The following UBA52 variants were observed in gnomAD, a reference collection of about 807,000 sequenced individuals.
UBA52 encodes the protein ubiquitin-ribosomal protein eL40 fusion protein.
Under a neutral mutation model 15.3 loss-of-function variants are expected in UBA52, and 1 was observed. The observed-to-expected ratio is 0.07, with a 90% CI of 0.02 to 0.31. UBA52 has a LOEUF of 0.31. UBA52 is among the 10% of genes least tolerant of loss of function. UBA52 has a pLI of 1.00. For missense variants in UBA52, 87 were observed against 168.0 expected, an observed-to-expected ratio of 0.52 and a Z score of 2.66; for synonymous variants, 50 against 58.3, an observed-to-expected ratio of 0.86 and a Z score of 0.65.
At chr19:18,574,728 C>G in intron 3 of UBA52, 142 bp from the exon 4 acceptor site, 1 of 1,058,312 alleles carries the variant, frequency 9.4e-7, no homozygotes, top group Non-Finnish European at 1.3e-6. Flanking sequence ...ATCTTCCACA[C>G]GTAGAACACT....
chr19:18,567,508 C>T (rs1019405216), upstream of UBA52, among the ~76,000 whole-genome samples: 3 of 152,340 alleles, frequency 2.0e-5, no homozygotes, highest in Admixed American at 6.5e-5. Context: ...GACATCGTCT[C>T]GCCTTCCCTG....
chr19:18,566,397 G>GGCAGAGCTTGCA, the UBA52 span, among the ~76,000 whole-genome samples: 95,116 of 149,114 alleles, frequency 0.64, 30,867 homozygotes, highest in African/African-American at 0.75. Flanking sequence ...GAACCCAGGA[G>GGCAGAGCTTGCA]GTGAGCCGAG....
At chr19:18,567,064 G>A (rs1439842259), upstream of UBA52, 1 of 1,492,834 alleles carries the variant, frequency 6.7e-7, no homozygotes, top group Non-Finnish European at 9.3e-7. Flanking sequence ...GCAGGGGCTT[G>A]TGGCCAGCAC....
upstream of UBA52, among the ~76,000 whole-genome samples, chr19:18,568,218 G>A (rs1321729352): frequency 7.0e-6 from 1 of 143,472 alleles, no homozygotes; most frequent in Non-Finnish European, 1.5e-5. Context: ...AGTGAGCCGA[G>A]ATTATACCAT....
At chr19:18,566,653 C>G in the UBA52 span, among the ~76,000 whole-genome samples, 1 of 151,950 alleles carries the variant, frequency 6.6e-6, no homozygotes, top group South Asian at 2.1e-4. Context: ...ATCAGCTGAG[C>G]ATGGTGGCAC....
chr19:18,564,786 C>G, the UBA52 span: 1 of 1,501,354 alleles, frequency 6.7e-7, no homozygotes, highest in Non-Finnish European at 9.1e-7. Flanking sequence ...CAGGCAAGGG[C>G]TTGGCATGAA....
At chr19:18,566,996 T>G, upstream of UBA52, 13 of 719,944 alleles carry the variant, frequency 1.8e-5, no homozygotes, top group Non-Finnish European at 2.9e-5. Flanking sequence ...AGTGAAGATG[T>G]GAGGTGATGA....
upstream of UBA52, among the ~76,000 whole-genome samples, chr19:18,569,901 G>A (rs1266990821): frequency 6.6e-5 from 10 of 152,098 alleles, no homozygotes; most frequent in Admixed American, 6.6e-4. Flanking sequence ...GGGTGTGGTG[G>A]TGTACACCTG....
Position 18,573,399 on chromosome 19 carries a change from G to C in UBA52, c.99G>C (p.Lys33Asn). 1 of 1,613,910 alleles carries C rather than the reference G, an allele frequency of 6.2e-7. No individual in the cohort carries two copies. The highest frequency in any genetic ancestry group is 1.7e-5 in the Admixed American group (1 of 59,974). The change falls in exon 2 of 5, where the codon AAG becomes AAC. Residue 33 changes from lysine (K) to asparagine (N), a missense_variant. Physicochemically the swap from Lys to Asn is moderately conservative, Grantham distance 94. Transcript: ENST00000442744. ...IENVKAKIQDKEGIPPDQQRL... is the reference protein window; with the variant it reads ...IENVKAKIQDNEGIPPDQQRL... ...ATGTCAAAGCCAAAATTCAAGACAA[G>C]GAGGGTGAGTAGGGCTGGGTGTGGG...
At position 18,575,421 on chromosome 19, in the gene UBA52, G is replaced by C; in HGVS notation, c.*271G>C. On this transcript the variant is annotated 3_prime_UTR_variant, in exon 5 of 5. Transcript: ENST00000442744. ...TCTGGATTTGTCATCTGTAAAACTG[G>C]AGTAAAAACCTCAGTCGTGTAATTG... 1 of 467,784 alleles carries C rather than the reference G, an allele frequency of 2.1e-6. No homozygotes were observed. Among genetic ancestry groups the C allele is most frequent in the Non-Finnish European group, 3.9e-6 (1 of 254,602 alleles). 29.0% of individuals were successfully genotyped at this position (467,784 alleles called of 1,614,324 possible).
At chr19:18,570,686 A>G (rs1975449467), upstream of UBA52, among the ~76,000 whole-genome samples, 1 of 131,740 alleles carries the variant, frequency 7.6e-6, no homozygotes, top group South Asian at 2.4e-4. Flanking sequence ...AAATTTTTGT[A>G]ATTTTTTTTT....
At chr19:18,568,582 C>G (rs1426358662), upstream of UBA52, 1 of 1,613,114 alleles carries the variant, frequency 6.2e-7, no homozygotes, top group Non-Finnish European at 8.5e-7. Flanking sequence ...GGCTCCCCAG[C>G]CATCAACGGC....
chr19:18,571,486 C>A (rs1325535533), upstream of UBA52, among the ~76,000 whole-genome samples: 2 of 152,192 alleles, frequency 1.3e-5, no homozygotes, highest in African/African-American at 4.8e-5. Flanking sequence ...GGTGCTTTCC[C>A]AGCCCCGACT....
At chr19:18,565,527 C>T in the UBA52 span, among the ~76,000 whole-genome samples, 23 of 150,666 alleles carry the variant, frequency 1.5e-4, no homozygotes, top group Admixed American at 2.6e-4. Context: ...CCACTGCGCC[C>T]GGCCGAGACA....
At chr19:18,574,838 T>C (rs1198176032) in intron 3 of UBA52, 32 bp from the exon 4 acceptor site, 6 of 1,609,590 alleles carry the variant, frequency 3.7e-6, no homozygotes, top group Non-Finnish European at 5.1e-6. Context: ...AGGGCTGGGC[T>C]CAGTCGCCGT....
At chr19:18,569,902 T>C (rs1038952605), upstream of UBA52, among the ~76,000 whole-genome samples, 3 of 151,980 alleles carry the variant, frequency 2.0e-5, no homozygotes, top group African/African-American at 7.3e-5. Context: ...GGTGTGGTGG[T>C]GTACACCTGT....
upstream of UBA52, chr19:18,567,344 G>A: frequency 1.4e-6 from 1 of 692,036 alleles, no homozygotes. Flanking sequence ...GCCTGGTCCT[G>A]TCAGCAGCTG....
At chr19:18,573,592 G>GC in intron 2 of UBA52, 70 bp from the exon 3 acceptor site, 1 of 1,528,786 alleles carries the variant, frequency 6.5e-7, no homozygotes, top group Admixed American at 1.7e-5. Context: ...TAGTGCTGGA[G>GC]CTCCCCTGCA....
In UBA52 at chr19:18,574,917, C is replaced by G; in HGVS notation, c.238C>G (p.Pro80Ala). 6.2e-7 allele frequency: 1 copy of G among 1,614,122 alleles called. No homozygotes were observed. Among genetic ancestry groups the G allele is most frequent in the Non-Finnish European group, 8.5e-7 (1 of 1,180,032 alleles). ...VLRLRGGIIE[P>A]SLRQLAQKYN... Reference sequence around the variant, plus strand: ...GCGCCTGCGAGGTGGCATTATTGAGCCTTCTCTCCGCCAGCTTGCCCAGAA... The same window carrying G: ...GCGCCTGCGAGGTGGCATTATTGAGGCTTCTCTCCGCCAGCTTGCCCAGAA... The change falls in exon 4 of 5, where the codon CCT (proline) becomes GCT (alanine). Residue 80 changes from proline (P) to alanine (A), a missense_variant. Pro to Ala is a conservative substitution (Grantham distance 27, BLOSUM62 -1). Transcript: ENST00000442744.
Sources: allele counts gnomAD v4.1 joint callset (sites outside exome capture counted in the v4.1 genomes callset), GRCh38; gene constraint gnomAD v4.1.1; transcripts MANE v1.5; gene names NCBI Gene and HGNC (gene_info 2026-07-23, HGNC 2026-07-21).